Variants in APBB2 observed in about 807,000 individuals in gnomAD.
APBB2 encodes amyloid beta precursor protein binding family B member 2.
A neutral mutation model predicts 82.5 loss-of-function variants in APBB2; 38 were observed. The ratio of observed to expected loss-of-function variants is 0.46; its 90% CI spans 0.36 to 0.60. The LOEUF is 0.60. Ranked by LOEUF, APBB2 falls within the 20% of genes least tolerant of loss-of-function variation. The probability of loss-of-function intolerance (pLI) is 0.00; values close to 1 mark genes in which losing one functional copy is unlikely to be tolerated. For missense variants in APBB2, 772 were observed against 972.3 expected, an observed-to-expected ratio of 0.79 and a Z score of 2.74; for synonymous variants, 341 against 368.2, an observed-to-expected ratio of 0.93 and a Z score of 0.85.
chr4:41,060,295 G>A (rs1010410550), intron 4 of APBB2, among the ~76,000 whole-genome samples: 4 of 152,206 alleles, frequency 2.6e-5, no homozygotes, highest in South Asian at 2.1e-4. Flanking sequence ...AACCATGTGT[G>A]TTGGAAAACA....
chr4:40,915,942 T>C lies in APBB2; in HGVS notation c.1254+18514A>G, dbSNP rs1245336257. Among the ~76,000 whole-genome samples, 3 of 152,184 alleles carry C rather than the reference T, an allele frequency of 2.0e-5. No individual in the cohort carries two copies. The East Asian group carries it at 5.8e-4, about 29-fold the overall frequency. ...TGCCTTGAGGGAGTGGAGCTGGCAC[T>C]GCAGGGTCCTGGGCCCTGTGTGAGT... On this transcript the variant is annotated intron_variant, in intron 10 of 17. Coordinates refer to ENST00000508593, the MANE Select transcript of APBB2 (RefSeq NM_004307.2).
intron 1 of APBB2, among the ~76,000 whole-genome samples, chr4:41,150,722 C>T (rs1762048928): frequency 6.6e-6 from 1 of 152,126 alleles, no homozygotes; most frequent in Non-Finnish European, 1.5e-5. Context: ...TACAACATCT[C>T]ACCTCCTCAC....
intron 1 of APBB2, among the ~76,000 whole-genome samples, chr4:41,172,832 G>A (rs1768693092): frequency 6.6e-6 from 1 of 152,212 alleles, no homozygotes; most frequent in African/African-American, 2.4e-5. Context: ...AAGATGCCAA[G>A]CTGTCATTTT....
At chr4:40,821,803 A>C in intron 17 of APBB2, 68 bp downstream of exon 17, 7 of 1,555,174 alleles carry the variant, frequency 4.5e-6, no homozygotes, top group Non-Finnish European at 5.3e-6. Context: ...TGATTCTGCT[A>C]TAATGTATGG....
chr4:41,156,820 C>T (rs1031189920), intron 1 of APBB2, among the ~76,000 whole-genome samples: 4 of 152,112 alleles, frequency 2.6e-5, no homozygotes, highest in Non-Finnish European at 4.4e-5. Context: ...AATCTCAGCA[C>T]TTTGTGAGGC....
chr4:40,887,608 T>C (rs1346540234), intron 12 of APBB2, among the ~76,000 whole-genome samples: 1 of 152,152 alleles, frequency 6.6e-6, no homozygotes, highest in Non-Finnish European at 1.5e-5. Context: ...GACCCCTTCT[T>C]CTGGGGAATG....
intron 12 of APBB2, among the ~76,000 whole-genome samples, chr4:40,859,616 C>G (rs930728920): frequency 6.6e-6 from 1 of 152,192 alleles, no homozygotes; most frequent in African/African-American, 2.4e-5. Flanking sequence ...ATGCGAGTCC[C>G]TTCAAAAACG....
rs1410684913 is a variant in APBB2 at position 40,994,453 on chromosome 4, GGAGTAA to G, written c.835+19124_835+19129del. Reference sequence around the variant, plus strand: ...AGTCAATGGATCAAAACCAAGAAATGGAGTAAGAGTGAGATAAGATGTCTCCCAAAC... The same window carrying G: ...AGTCAATGGATCAAAACCAAGAAATGGAGTGAGATAAGATGTCTCCCAAAC... On this transcript the variant is annotated intron_variant, in intron 6 of 17. Transcript: ENST00000508593. Among the ~76,000 whole-genome samples the G allele has an allele frequency of 2.0e-5, 3 of 152,116 alleles. No homozygotes were observed. The East Asian group carries it at 5.8e-4, about 29-fold the overall frequency.
chr4:41,209,501 G>T (rs1242330869), intron 1 of APBB2, among the ~76,000 whole-genome samples: 2 of 152,168 alleles, frequency 1.3e-5, no homozygotes, highest in Middle Eastern at 3.2e-3. Flanking sequence ...GAGACCAAGG[G>T]CTGCATTTCT....
chr4:41,103,064 GA>G (rs1746004011), intron 2 of APBB2, among the ~76,000 whole-genome samples: 1 of 152,188 alleles, frequency 6.6e-6, no homozygotes, highest in South Asian at 2.1e-4. Context: ...TATTTATCCA[GA>G]AGGGGTGAAA....
intron 6 of APBB2, among the ~76,000 whole-genome samples, chr4:41,001,676 A>AG (rs1805278022): frequency 6.6e-6 from 1 of 152,098 alleles, no homozygotes; most frequent in Non-Finnish European, 1.5e-5. Flanking sequence ...TCGGGAGTTC[A>AG]AGACCAGCCT....
intron 6 of APBB2, among the ~76,000 whole-genome samples, chr4:40,997,056 A>G (rs1323512706): frequency 6.6e-6 from 1 of 151,864 alleles, no homozygotes; most frequent in East Asian, 1.9e-4. Flanking sequence ...CAGACCCCTC[A>G]CCCTCACCTA....
chr4:40,851,505 C>T lies in APBB2; in HGVS notation c.1530-20928G>A, dbSNP rs565031372. Among the ~76,000 whole-genome samples the T allele has an allele frequency of 1.8e-4, 28 of 152,142 alleles. 1 individual carries two copies. The highest frequency in any genetic ancestry group is 1.1e-3 in the Admixed American group (17 of 15,276). On this transcript the variant is annotated intron_variant, in intron 12 of 17. Coordinates refer to ENST00000508593, the MANE Select transcript of APBB2 (RefSeq NM_004307.2). The stretch of plus-strand genomic sequence containing the variant: ...TGGCAAACAGATGCATGCTCTGATA[C>T]GACAGAATCAGGCCAACTTGGCCCC...
At chr4:40,901,184 T>G (rs1277430280) in intron 10 of APBB2, among the ~76,000 whole-genome samples, 2 of 152,140 alleles carry the variant, frequency 1.3e-5, no homozygotes, top group South Asian at 4.1e-4. Context: ...TCTGTTGCCA[T>G]GAGGATAACA....
At chr4:41,167,426 C>A (rs1221551329) in intron 1 of APBB2, among the ~76,000 whole-genome samples, 1 of 152,182 alleles carries the variant, frequency 6.6e-6, no homozygotes, top group Non-Finnish European at 1.5e-5. Flanking sequence ...CAACAACCCC[C>A]AAGAGTGAAT....
intron 15 of APBB2, among the ~76,000 whole-genome samples, chr4:40,824,605 G>A (rs895214823): frequency 1.4e-4 from 22 of 151,938 alleles, no homozygotes; most frequent in African/African-American, 4.6e-4. Context: ...CTCCCACCTC[G>A]GCCTCTGGAG....
At chr4:41,092,735 A>G (rs1742208245) in intron 3 of APBB2, among the ~76,000 whole-genome samples, 1 of 152,156 alleles carries the variant, frequency 6.6e-6, no homozygotes, top group African/African-American at 2.4e-5. Flanking sequence ...TTTTCATTCA[A>G]CTGTGCTTGC....
intron 3 of APBB2, among the ~76,000 whole-genome samples, chr4:41,093,057 G>A (rs1360187832): frequency 1.3e-5 from 2 of 152,124 alleles, no homozygotes; most frequent in Admixed American, 6.5e-5. Flanking sequence ...GCAGAAACGA[G>A]CTATAAAACT....
intron 1 of APBB2, among the ~76,000 whole-genome samples, chr4:41,144,218 C>A (rs1466564741): frequency 1.3e-5 from 2 of 152,182 alleles, no homozygotes; most frequent in African/African-American, 4.8e-5. Context: ...TCAAAACAGT[C>A]CTCGTCACAA....
Sources: allele counts gnomAD v4.1 joint callset (sites outside exome capture counted in the v4.1 genomes callset), GRCh38; gene constraint gnomAD v4.1.1; transcripts MANE v1.5; gene names NCBI Gene and HGNC (gene_info 2026-07-23, HGNC 2026-07-21).